PRKACB: variants seen among roughly 807,000 people sequenced by gnomAD.
PRKACB encodes cAMP-dependent protein kinase catalytic subunit beta.
In PRKACB, 16 loss-of-function variants were observed where a neutral mutation model predicts 51.4. The observed-to-expected ratio is 0.31, with a 90% CI of 0.21 to 0.47. The LOEUF is 0.47. Among genes scored for constraint, PRKACB ranks in the 20% least tolerant of loss-of-function variants. The pLI is 1.00. For synonymous variants in PRKACB, 147 were observed against 154.4 expected, an observed-to-expected ratio of 0.95 and a Z score of 0.35; for missense variants, 309 against 464.5, an observed-to-expected ratio of 0.67 and a Z score of 3.08.
At position 84,237,570 on chromosome 1, in the gene PRKACB, A is replaced by G. The variant is rs1420294599; in HGVS notation, c.*2265A>G. ...TTTAAAGGCCGTGAGCAAGCTTGTC[A>G]TGAGCAAATATGTCAAGGGAGTCAA... On this transcript the variant is annotated 3_prime_UTR_variant, in exon 10 of 10. Transcript: ENST00000370685. 1 of 152,304 alleles carries G rather than the reference A, an allele frequency of 6.6e-6. No homozygotes were observed. Among genetic ancestry groups the G allele is most frequent in the South Asian group, 2.1e-4 (1 of 4,832 alleles). The allele number at this position is 152,304 out of a possible 1,614,324, so 9.4% of individuals were successfully genotyped here. A position where few individuals can be genotyped will look rare whatever the true frequency, so the allele number is the denominator to read the frequency against.
rs139369572 is a variant in PRKACB at position 84,084,489 on chromosome 1, G to A, written c.46+6118G>A. Among the ~76,000 whole-genome samples, 260 of 152,216 alleles carry A rather than the reference G, an allele frequency of 1.7e-3. 2 individuals are homozygous for A. The highest frequency in any genetic ancestry group is 5.8e-3 in the African/African-American group (242 of 41,534). On this transcript the variant is annotated intron_variant, in intron 1 of 8. Coordinates refer to the PRKACB transcript ENST00000370688. ...TGGGTTTAAAAGAGGTTACTTTGGTGGTGATGTGAAGATAAATCATTATGG... is the reference window on the plus strand; with the variant it reads ...TGGGTTTAAAAGAGGTTACTTTGGTAGTGATGTGAAGATAAATCATTATGG...
intron 8 of PRKACB, among the ~76,000 whole-genome samples, chr1:84,211,631 A>G (rs1245173699): frequency 6.6e-6 from 1 of 152,188 alleles, no homozygotes; most frequent in East Asian, 1.9e-4. Flanking sequence ...TGGAAGGAGA[A>G]TAGATAATTA....
chr1:84,196,269 A>G (rs1293454149), intron 5 of PRKACB, among the ~76,000 whole-genome samples: 1 of 152,022 alleles, frequency 6.6e-6, no homozygotes, highest in Non-Finnish European at 1.5e-5. Context: ...CCCGATAGAC[A>G]CTCCATTTGG....
intron 1 of PRKACB, chr1:84,173,494 G>T (rs1411793076): frequency 2.8e-6 from 2 of 714,680 alleles, no homozygotes; most frequent in East Asian, 5.5e-5. Flanking sequence ...TTTAGTGTGT[G>T]TGTATGTGGG....
At chr1:84,119,743 A>G (rs1289694871) in intron 1 of PRKACB, among the ~76,000 whole-genome samples, 1 of 152,180 alleles carries the variant, frequency 6.6e-6, no homozygotes, top group Non-Finnish European at 1.5e-5. Flanking sequence ...ACACACATAC[A>G]TAGGCACACA....
chr1:84,097,681 G>A (rs1571566223), intron 1 of PRKACB, among the ~76,000 whole-genome samples: 1 of 151,966 alleles, frequency 6.6e-6, no homozygotes, highest in East Asian at 1.9e-4. Context: ...TGAGGAAAGG[G>A]GAGAGAAAAT....
intron 1 of PRKACB, among the ~76,000 whole-genome samples, chr1:84,169,460 G>A (rs948307504): frequency 2.0e-5 from 3 of 151,588 alleles, no homozygotes; most frequent in Non-Finnish European, 4.4e-5. Context: ...AGCTGCATTA[G>A]AGGCAATAAA....
chr1:84,079,138 C>A (rs907711300), intron 1 of PRKACB, among the ~76,000 whole-genome samples: 1 of 151,596 alleles, frequency 6.6e-6, no homozygotes, highest in Non-Finnish European at 1.5e-5. Context: ...TTCTGTATGG[C>A]GATAAGGTGT....
intron 1 of PRKACB, among the ~76,000 whole-genome samples, chr1:84,138,701 T>C (rs1299487046): frequency 2.0e-5 from 3 of 152,156 alleles, no homozygotes; most frequent in Non-Finnish European, 2.9e-5. Flanking sequence ...CTTAACCTGC[T>C]ACCAAAATCA....
At chr1:84,091,680 T>C (rs149612962) in intron 1 of PRKACB, among the ~76,000 whole-genome samples, 7 of 152,148 alleles carry the variant, frequency 4.6e-5, no homozygotes, top group African/African-American at 1.2e-4. Flanking sequence ...AATTTTCGTA[T>C]TTTTGGTAGA....
intron 1 of PRKACB, among the ~76,000 whole-genome samples, chr1:84,128,530 A>G (rs1651857753): frequency 6.6e-6 from 1 of 152,224 alleles, no homozygotes; most frequent in Non-Finnish European, 1.5e-5. Flanking sequence ...ACTTTTAAAA[A>G]ACGATTTGAA....
intron 9 of PRKACB, among the ~76,000 whole-genome samples, chr1:84,234,478 C>T (rs1282370192): frequency 1.3e-5 from 2 of 152,268 alleles, no homozygotes; most frequent in African/African-American, 4.8e-5. Flanking sequence ...TTTACCTAAG[C>T]AAGCCTGGGC....
At chr1:84,191,201 T>A (rs1666693233) in intron 5 of PRKACB, among the ~76,000 whole-genome samples, 1 of 152,172 alleles carries the variant, frequency 6.6e-6, no homozygotes, top group South Asian at 2.1e-4. Context: ...GGACCACTTG[T>A]AAGGCTGATC....
chr1:84,136,379 A>C (rs1479830147), intron 1 of PRKACB, among the ~76,000 whole-genome samples: 1 of 152,016 alleles, frequency 6.6e-6, no homozygotes, highest in Non-Finnish European at 1.5e-5. Context: ...TAGCCATCTT[A>C]TTAAAGATAT....
chr1:84,222,137 C>T lies in PRKACB; in HGVS notation c.1071+7820C>T, dbSNP rs569931695. Among the ~76,000 whole-genome samples, 528 of 152,118 alleles carry T rather than the reference C, an allele frequency of 3.5e-3. 3 individuals are homozygous for T. Among genetic ancestry groups the T allele is most frequent in the South Asian group, 8.5e-3 (41 of 4,814 alleles). ...TTGGATGCATATATATCCGTTATATCCTTTTGCTGAATTCATCCCTTTATC... is the reference window on the plus strand; with the variant it reads ...TTGGATGCATATATATCCGTTATATTCTTTTGCTGAATTCATCCCTTTATC... On this transcript the variant is annotated intron_variant, in intron 9 of 9. Transcript: ENST00000370685.
chr1:84,187,406 TTGTTCTAG>T (rs991833294), intron 5 of PRKACB, among the ~76,000 whole-genome samples: 1 of 152,148 alleles, frequency 6.6e-6, no homozygotes, highest in Non-Finnish European at 1.5e-5. Flanking sequence ...ATATGGAGTC[TTGTTCTAG>T]TGTTTTGAGA....
intron 9 of PRKACB, among the ~76,000 whole-genome samples, 165 bp downstream of exon 9, chr1:84,214,482 TC>T (rs1027892725): frequency 2.1e-5 from 3 of 145,922 alleles, no homozygotes; most frequent in African/African-American, 7.7e-5. Flanking sequence ...AAAATGAGTT[TC>T]CCCCTAGAAT....
chr1:84,222,996 C>T (rs937561309), intron 9 of PRKACB, among the ~76,000 whole-genome samples: 1 of 152,032 alleles, frequency 6.6e-6, no homozygotes, highest in Non-Finnish European at 1.5e-5. Context: ...TTGGAAAAGA[C>T]CTTTTTGGAT....
At chr1:84,234,695 C>T (rs1676433739) in intron 9 of PRKACB, among the ~76,000 whole-genome samples, 1 of 152,208 alleles carries the variant, frequency 6.6e-6, no homozygotes, top group Non-Finnish European at 1.5e-5. Flanking sequence ...CGTCTGTCAC[C>T]CCTTTCTTTG....
Sources: gnomAD v4.1 joint callset for allele counts (sites outside exome capture counted in the v4.1 genomes callset) on GRCh38, gnomAD v4.1.1 for gene constraint, MANE v1.5 for transcripts, NCBI Gene and HGNC (gene_info 2026-07-23, HGNC 2026-07-21) for gene names.